The following HIVEP3 variants were observed in gnomAD, a reference collection of about 807,000 sequenced individuals.
HIVEP3 encodes the protein transcription factor HIVEP3.
Under a neutral mutation model 152.8 loss-of-function variants are expected in HIVEP3, and 49 were observed. That is an observed-to-expected ratio of 0.32 (90% CI 0.26 to 0.41). The LOEUF (loss-of-function observed/expected upper bound fraction) is 0.41. Among genes scored for constraint, HIVEP3 ranks in the 10% least tolerant of loss-of-function variants. The probability of loss-of-function intolerance (pLI) is 1.00; values close to 1 mark genes in which losing one functional copy is unlikely to be tolerated. For synonymous variants in HIVEP3, 1,269 were observed against 1,289.0 expected (o/e 0.98, Z 0.33); for missense variants, 2,790 against 3,103.3 (o/e 0.90, Z 2.40).
intron 1 of HIVEP3, among the ~76,000 whole-genome samples, chr1:41,899,453 C>T (rs924235977): frequency 1.3e-5 from 2 of 152,172 alleles, no homozygotes; most frequent in African/African-American, 4.8e-5. Context: ...GTTGCCCAGG[C>T]TGGAGTGCAA....
At chr1:41,554,321 T>C (rs1020105080) in intron 5 of HIVEP3, among the ~76,000 whole-genome samples, 3 of 152,258 alleles carry the variant, frequency 2.0e-5, no homozygotes, top group African/African-American at 7.2e-5. Flanking sequence ...TCTTGTGCCA[T>C]GGTTTTCAGC....
intron 1 of HIVEP3, chr1:41,848,777 G>A (rs1367614618): frequency 1.3e-5 from 2 of 152,642 alleles, no homozygotes; most frequent in Non-Finnish European, 2.9e-5. Context: ...CCCTTTCTTT[G>A]CCTTCTGGCC....
intron 5 of HIVEP3, among the ~76,000 whole-genome samples, chr1:41,567,343 C>A (rs1457280335): frequency 6.6e-6 from 1 of 152,208 alleles, no homozygotes; most frequent in Non-Finnish European, 1.5e-5. Context: ...TTCGTGCTGC[C>A]CTGACAACCA....
chr1:41,767,599 T>C (rs938278028), intron 1 of HIVEP3, among the ~76,000 whole-genome samples: 1 of 152,226 alleles, frequency 6.6e-6, no homozygotes, highest in African/African-American at 2.4e-5. Flanking sequence ...TCAGGACTCA[T>C]GGAATCTTAG....
chr1:41,965,724 A>G (rs1172364569), intron 1 of HIVEP3, among the ~76,000 whole-genome samples: 1 of 152,188 alleles, frequency 6.6e-6, no homozygotes, highest in East Asian at 1.9e-4. Flanking sequence ...GAACTATGGG[A>G]TCATATAAAA....
intron 1 of HIVEP3, among the ~76,000 whole-genome samples, chr1:41,713,198 C>T (rs1017900505): frequency 6.6e-6 from 1 of 152,192 alleles, no homozygotes; most frequent in African/African-American, 2.4e-5. Flanking sequence ...CTCCCACCCC[C>T]GATCTGCGCC....
chr1:41,608,673 G>A (rs1489183100), intron 3 of HIVEP3, among the ~76,000 whole-genome samples: 1 of 152,212 alleles, frequency 6.6e-6, no homozygotes, highest in Admixed American at 6.5e-5. Context: ...TGCTCTGTCT[G>A]TGCAATCTCA....
At chr1:41,598,727 C>T (rs1022210912) in intron 3 of HIVEP3, among the ~76,000 whole-genome samples, 1 of 151,988 alleles carries the variant, frequency 6.6e-6, no homozygotes, top group African/African-American at 2.4e-5. Context: ...AGTATAGTAT[C>T]GATACAAAGA....
Position 41,556,606 on chromosome 1 carries a change from G to A in HIVEP3, c.5207+18938C>T, listed in dbSNP as rs183916113. Among the ~76,000 whole-genome samples, 160 of 152,262 alleles carry A rather than the reference G, an allele frequency of 1.1e-3. 1 individual carries two copies. Among genetic ancestry groups the A allele is most frequent in the African/African-American group, 3.8e-3 (157 of 41,566 alleles). ...GTTGCCTTTTCATTCTGTTGATAGT[G>A]TCCTTTAATGAATAAAAGTTTTAAA... On this transcript the variant is annotated intron_variant, in intron 5 of 8. Transcript: ENST00000372583.
chr1:41,861,047 C>A (rs1353700539), intron 1 of HIVEP3, among the ~76,000 whole-genome samples: 2 of 152,230 alleles, frequency 1.3e-5, no homozygotes, highest in Non-Finnish European at 2.9e-5. Context: ...CCCCTCAGCA[C>A]ACTCGAGCCA....
chr1:41,638,324 A>G, intron 2 of HIVEP3, among the ~76,000 whole-genome samples: 1 of 43,426 alleles, frequency 2.3e-5, no homozygotes, highest in East Asian at 5.6e-4. Context: ...AAAGGAAAGA[A>G]AGAAAGAAAG....
Position 41,591,764 on chromosome 1 carries a change from G to A in HIVEP3, c.-521-6446C>T, listed in dbSNP as rs189740264. On this transcript the variant is annotated intron_variant, in intron 3 of 8. Transcript: ENST00000372583. ...TGTCAGTGTCCTGAATTCTAGCCTC[G>A]ATTACTGCCAAATAGAAGAGTCACA... Among the ~76,000 whole-genome samples, 295 of 152,076 alleles carry A rather than the reference G, an allele frequency of 1.9e-3. 5 individuals carry two copies. The highest frequency in any genetic ancestry group is 2.5e-3 in the Non-Finnish European group (171 of 67,998).
chr1:41,843,906 C>T (rs1453266327), intron 1 of HIVEP3, among the ~76,000 whole-genome samples: 1 of 151,976 alleles, frequency 6.6e-6, no homozygotes, highest in Non-Finnish European at 1.5e-5. Flanking sequence ...TCCCTCCCCC[C>T]TCCGTGTGTG....
chr1:41,852,777 C>T (rs551901043), intron 1 of HIVEP3, among the ~76,000 whole-genome samples: 2 of 152,338 alleles, frequency 1.3e-5, no homozygotes, highest in South Asian at 2.1e-4. Flanking sequence ...ACTGTTTCCA[C>T]TCTTCCTTAA....
intron 1 of HIVEP3, among the ~76,000 whole-genome samples, chr1:41,945,580 G>A (rs1176425810): frequency 6.6e-6 from 1 of 152,164 alleles, no homozygotes; most frequent in Non-Finnish European, 1.5e-5. Context: ...TCAATGATAG[G>A]ATGACAACAG....
At chr1:41,605,188 A>G (rs540745670) in intron 3 of HIVEP3, among the ~76,000 whole-genome samples, 3 of 136,948 alleles carry the variant, frequency 2.2e-5, no homozygotes, top group African/African-American at 8.2e-5. Flanking sequence ...GAGGGGAGGG[A>G]AGGGAAGGGA....
intron 6 of HIVEP3, among the ~76,000 whole-genome samples, chr1:41,522,502 C>T (rs542136892): frequency 6.6e-6 from 1 of 152,348 alleles, no homozygotes; most frequent in Non-Finnish European, 1.5e-5. Flanking sequence ...GGCCTCACAG[C>T]CCTGGCCTTC....
At chr1:41,948,950 ACAC>A (rs1236415633) in intron 1 of HIVEP3, among the ~76,000 whole-genome samples, 2 of 152,162 alleles carry the variant, frequency 1.3e-5, no homozygotes, top group African/African-American at 4.8e-5. Flanking sequence ...CCAGAAATAA[ACAC>A]CACTTCTGTT....
chr1:41,600,180 T>C (rs1644724678), intron 3 of HIVEP3, among the ~76,000 whole-genome samples: 1 of 152,148 alleles, frequency 6.6e-6, no homozygotes, highest in Admixed American at 6.5e-5. Flanking sequence ...AAATAAAAAA[T>C]AGAATTACCA....
Sources: gnomAD v4.1 joint callset for allele counts (sites outside exome capture counted in the v4.1 genomes callset) on GRCh38, gnomAD v4.1.1 for gene constraint, MANE v1.5 for transcripts, NCBI Gene and HGNC (gene_info 2026-07-23, HGNC 2026-07-21) for gene names.